Variants in NOS1 observed in about 807,000 individuals in gnomAD.
The protein encoded by NOS1 is nitric oxide synthase 1.
In NOS1, 51 loss-of-function variants were observed where a neutral mutation model predicts 164.5. The ratio of observed to expected loss-of-function variants is 0.31; its 90% confidence interval spans 0.25 to 0.39. The LOEUF (loss-of-function observed/expected upper bound fraction) is 0.39, where lower values mean the gene tolerates loss of function less well. Among genes scored for constraint, NOS1 ranks in the 10% least tolerant of loss-of-function variants. The probability of loss-of-function intolerance (pLI) is 1.00; values close to 1 mark genes in which losing one functional copy is unlikely to be tolerated. For missense variants in NOS1, 1,362 were observed against 1,885.6 expected, an observed-to-expected ratio of 0.72 and a Z score of 5.14; for synonymous variants, 719 against 745.8, an observed-to-expected ratio of 0.96 and a Z score of 0.59.
At chr12:117,355,017 C>T (rs1357453228) in intron 1 of NOS1, among the ~76,000 whole-genome samples, 1 of 152,142 alleles carries the variant, frequency 6.6e-6, no homozygotes, top group African/African-American at 2.4e-5. Context: ...CCTTTTTAAT[C>T]CTCATGGTAG....
In NOS1 at chr12:117,356,013, A is replaced by G. The variant is rs1323238893; in HGVS notation, c.-421+5499T>C. ...ACAATCCTCCTGCCTCAGTCTCCCA[A>G]AGTGTTGGGATTACAGGCGTGAGCC... is the stretch of plus-strand genomic sequence containing the variant. On this transcript the variant is annotated intron_variant, in intron 1 of 28. Coordinates refer to ENST00000317775, the MANE Select transcript of NOS1 (RefSeq NM_000620.5). The surrounding 1 kb of genome is among the most constrained non-coding windows in gnomAD (Gnocchi z 4.2). 1.3e-5 allele frequency among the ~76,000 whole-genome samples: 2 copies of G among 152,080 alleles called. No individual in the cohort carries two copies. Among genetic ancestry groups the G allele is most frequent in the African/African-American group, 4.8e-5 (2 of 41,394 alleles).
chr12:117,340,873 A>ATTTTT (rs56322341), intron 1 of NOS1, among the ~76,000 whole-genome samples: 18 of 104,478 alleles, frequency 1.7e-4, no homozygotes, highest in Non-Finnish European at 2.0e-4. Flanking sequence ...ACACCTGGCT[A>ATTTTT]TTTTTTTTTT....
intron 1 of NOS1, among the ~76,000 whole-genome samples, chr12:117,338,963 C>G (rs966674275): frequency 1.3e-5 from 2 of 152,152 alleles, no homozygotes; most frequent in Non-Finnish European, 2.9e-5. Context: ...AAAAACAAAA[C>G]AAAATACTGC....
At chr12:117,332,558 C>T (rs990327958) in intron 1 of NOS1, among the ~76,000 whole-genome samples, 1 of 151,954 alleles carries the variant, frequency 6.6e-6, no homozygotes, top group South Asian at 2.1e-4. Flanking sequence ...AAGACCCTTT[C>T]TCTATTTATT....
chr12:117,341,469 T>C (rs527275359), intron 1 of NOS1, among the ~76,000 whole-genome samples: 1 of 152,308 alleles, frequency 6.6e-6, no homozygotes, highest in East Asian at 1.9e-4. Flanking sequence ...TCACAGAGTC[T>C]TCATTTCAGC....
At chr12:117,281,519 C>CAAAAAA (rs56248436) in intron 7 of NOS1, among the ~76,000 whole-genome samples, 47 of 50,788 alleles carry the variant, frequency 9.3e-4, no homozygotes, top group South Asian at 1.4e-3. Flanking sequence ...GACTCCATCT[C>CAAAAAA]AAAAAAAAAA....
intron 20 of NOS1, among the ~76,000 whole-genome samples, chr12:117,236,977 A>T (rs1303420240): frequency 6.6e-6 from 1 of 152,134 alleles, no homozygotes; most frequent in East Asian, 1.9e-4. Flanking sequence ...CTGACTCTGC[A>T]TGCCGCTTGC....
chr12:117,288,282 G>A, intron 4 of NOS1, 63 bp from the exon 5 acceptor site: 1 of 1,522,590 alleles, frequency 6.6e-7, no homozygotes, highest in Non-Finnish European at 8.9e-7. Context: ...GTGTTAGGCT[G>A]TGGGCTTGGA....
rs534927786 is a variant in NOS1 at position 117,293,173 on chromosome 12, C to T, written c.853-2747G>A. Among the ~76,000 whole-genome samples the T allele has an allele frequency of 6.6e-5, 10 of 152,264 alleles. No homozygotes were observed. The East Asian group carries it at 1.7e-3, about 26-fold the overall frequency. On this transcript the variant is annotated intron_variant, in intron 3 of 28. Transcript: ENST00000317775. ...TGGCGCCATGTTGGAGCCTGGGGAA[C>T]AGGAGGTGGGGAAGAGCGTGCCACT...
At chr12:117,343,276 G>T (rs763685258) in intron 1 of NOS1, among the ~76,000 whole-genome samples, 1 of 151,222 alleles carries the variant, frequency 6.6e-6, no homozygotes, top group Non-Finnish European at 1.5e-5. Context: ...GAGGGAGGGA[G>T]GAAGGAAGGA....
At chr12:117,360,822 C>A (rs1221498958) in intron 1 of NOS1, among the ~76,000 whole-genome samples, 1 of 152,182 alleles carries the variant, frequency 6.6e-6, no homozygotes, top group Non-Finnish European at 1.5e-5. Context: ...TCCCCCAGCC[C>A]GGGCTGCCCG....
intron 6 of NOS1, among the ~76,000 whole-genome samples, chr12:117,285,602 G>A (rs1288526447): frequency 1.3e-5 from 2 of 151,390 alleles, no homozygotes; most frequent in Non-Finnish European, 2.9e-5. Flanking sequence ...GGCAAATGAA[G>A]GAGGGGGTTT....
intron 1 of NOS1, among the ~76,000 whole-genome samples, chr12:117,343,721 T>C (rs142866361): frequency 3.3e-5 from 5 of 152,376 alleles, no homozygotes; most frequent in African/African-American, 1.2e-4. Context: ...CAGTGTTAAC[T>C]TGAGGCTCAA....
intron 22 of NOS1, among the ~76,000 whole-genome samples, chr12:117,228,790 AT>A (rs1004303093): frequency 2.0e-5 from 3 of 151,638 alleles, no homozygotes; most frequent in Non-Finnish European, 4.4e-5. Context: ...TTTTAAATTT[AT>A]TTTTTTTGAG....
chr12:117,306,937 TA>T (rs1176695668), intron 3 of NOS1, among the ~76,000 whole-genome samples: 1 of 152,222 alleles, frequency 6.6e-6, no homozygotes, highest in African/African-American at 2.4e-5. Context: ...CCTTTTACTA[TA>T]ATGCCTGTTT....
Position 117,330,835 on chromosome 12 carries a change from T to C in NOS1, c.235A>G (p.Ser79Gly), listed in dbSNP as rs368050156. Residue 79 changes from serine to glycine, a missense_variant, in exon 2 of 29, where the codon AGC becomes GGC. Transcript: ENST00000317775. This position sits in a 1 kb window ranked among gnomAD's most constrained non-coding sequence, Gnocchi z 4.6. ...ATGCCTCTGAGTACCTCCAGGGCGCTGTCATAGCTCAGGTCCACCAAGGGC... is the reference window on the plus strand; with the variant it reads ...ATGCCTCTGAGTACCTCCAGGGCGCCGTCATAGCTCAGGTCCACCAAGGGC... Reference protein sequence around the residue: ...GRPLVDLSYDSALEVLRGIAS... With the variant: ...GRPLVDLSYDGALEVLRGIAS... 1.9e-6 allele frequency: 3 copies of C among 1,613,786 alleles called. No homozygotes were observed. The highest frequency in any genetic ancestry group is 2.7e-5 in the African/African-American group (2 of 74,858).
intron 1 of NOS1, among the ~76,000 whole-genome samples, chr12:117,358,518 C>T (rs1044825120): frequency 1.3e-5 from 2 of 152,230 alleles, no homozygotes; most frequent in African/African-American, 4.8e-5. Context: ...TTTCGGGTTC[C>T]CTTCCTTCCT....
At position 117,222,919 on chromosome 12, in the gene NOS1, G is replaced by T. The variant is rs1868353699; in HGVS notation, c.3827-56C>A. 2.5e-6 allele frequency: 4 copies of T among 1,580,214 alleles called. No homozygotes were observed. In the Admixed American group the frequency reaches 5.4e-5, roughly 21 times the overall value. ...TGGCTCTCTGCCTGATGTGCAGGGT[G>T]GCTGAGGTGCCAGGGATGGGGTACT... On this transcript the variant is annotated intron_variant, in intron 25 of 28. Coordinates refer to ENST00000317775, the MANE Select transcript of NOS1 (RefSeq NM_000620.5).
chr12:117,343,963 T>G (rs1165161304), intron 1 of NOS1, among the ~76,000 whole-genome samples: 1 of 152,204 alleles, frequency 6.6e-6, no homozygotes, highest in African/African-American at 2.4e-5. Context: ...GGAAAACATG[T>G]TAAATAGAAA....
Sources: allele counts gnomAD v4.1 joint callset (sites outside exome capture counted in the v4.1 genomes callset), GRCh38; gene constraint gnomAD v4.1.1; non-coding constraint Gnocchi (gnomAD v3.1); transcripts MANE v1.5; gene names NCBI Gene and HGNC (gene_info 2026-07-23, HGNC 2026-07-21).